The following NTF3 variants were observed in gnomAD, a reference collection of about 807,000 sequenced individuals.
The protein encoded by NTF3 is neurotrophin-3.
A neutral mutation model predicts 26.3 loss-of-function variants in NTF3; 8 were observed. The observed-to-expected ratio is 0.30, with a 90% CI of 0.18 to 0.55. The LOEUF is 0.55. Ranked by LOEUF, NTF3 falls within the 20% of genes least tolerant of loss-of-function variation. The probability of loss-of-function intolerance (pLI) is 0.93; values close to 1 mark genes in which losing one functional copy is unlikely to be tolerated. For missense variants in NTF3, 276 were observed against 352.9 expected, an observed-to-expected ratio of 0.78 and a Z score of 1.75; for synonymous variants, 154 against 145.5, an observed-to-expected ratio of 1.06 and a Z score of -0.42.
chr12:5,464,396 C>G (rs148003737), intron 1 of NTF3, among the ~76,000 whole-genome samples: 3 of 152,270 alleles, frequency 2.0e-5, no homozygotes, highest in African/African-American at 7.2e-5. Context: ...AATTTTTCAC[C>G]TTATAATGGT....
At chr12:5,457,133 T>A (rs1940462309) in intron 1 of NTF3, among the ~76,000 whole-genome samples, 1 of 152,214 alleles carries the variant, frequency 6.6e-6, no homozygotes, top group South Asian at 2.1e-4. Context: ...GAGCAGCAAC[T>A]GTATAAAGTC....
chr12:5,491,106 C>T (rs1940931007), intron 1 of NTF3, among the ~76,000 whole-genome samples: 1 of 152,206 alleles, frequency 6.6e-6, no homozygotes, highest in African/African-American at 2.4e-5. Context: ...CAAATGCCCC[C>T]GTCACTCTCT....
chr12:5,483,807 A>C (rs999440383), intron 1 of NTF3, among the ~76,000 whole-genome samples: 1 of 152,224 alleles, frequency 6.6e-6, no homozygotes, highest in Non-Finnish European at 1.5e-5. Context: ...GGAATGAAAA[A>C]GCCATCAGGT....
chr12:5,488,762 A>G (rs953263554), intron 1 of NTF3, among the ~76,000 whole-genome samples: 1 of 152,188 alleles, frequency 6.6e-6, no homozygotes, highest in Non-Finnish European at 1.5e-5. Context: ...AGCCTGTAGC[A>G]TTAGTCAGAG....
chr12:5,458,546 A>T (rs998347446), intron 1 of NTF3, among the ~76,000 whole-genome samples: 1 of 152,208 alleles, frequency 6.6e-6, no homozygotes, highest in Admixed American at 6.5e-5. Context: ...TGATGAATGA[A>T]TGAATAAGTG....
chr12:5,493,770 A>G (rs1940967487), intron 1 of NTF3, among the ~76,000 whole-genome samples: 1 of 152,172 alleles, frequency 6.6e-6, no homozygotes, highest in Non-Finnish European at 1.5e-5. Context: ...GACAATTACA[A>G]GGCCACCGCT....
intron 1 of NTF3, among the ~76,000 whole-genome samples, chr12:5,488,883 G>A (rs1940899925): frequency 6.6e-6 from 1 of 152,164 alleles, no homozygotes; most frequent in Non-Finnish European, 1.5e-5. Flanking sequence ...AGAGAATATG[G>A]CTACACCAGA....
upstream of NTF3, among the ~76,000 whole-genome samples, chr12:5,430,365 G>A (rs1940069694): frequency 6.6e-6 from 1 of 152,094 alleles, no homozygotes; most frequent in Non-Finnish European, 1.5e-5. Context: ...GTGGCTGGGT[G>A]GAGGGAACGA....
intron 1 of NTF3, among the ~76,000 whole-genome samples, chr12:5,462,791 T>C (rs1277900214): frequency 6.6e-6 from 1 of 152,216 alleles, no homozygotes; most frequent in East Asian, 1.9e-4. Flanking sequence ...TTAACACCCA[T>C]GTATTATGAC....
intron 1 of NTF3, among the ~76,000 whole-genome samples, chr12:5,438,707 C>T (rs921250000): frequency 6.6e-6 from 1 of 152,198 alleles, no homozygotes; most frequent in Non-Finnish European, 1.5e-5. Context: ...AGGTAGCTGC[C>T]TGACTTAGAA....
chr12:5,458,481 C>T (rs1002007203), intron 1 of NTF3, among the ~76,000 whole-genome samples: 4 of 152,202 alleles, frequency 2.6e-5, no homozygotes, highest in Non-Finnish European at 4.4e-5. Flanking sequence ...TTCCTAGTAG[C>T]ATTCCAAACC....
chr12:5,434,150 C>T (rs1940137060), intron 1 of NTF3, among the ~76,000 whole-genome samples: 1 of 152,204 alleles, frequency 6.6e-6, no homozygotes, highest in Non-Finnish European at 1.5e-5. Flanking sequence ...TTTGACATGT[C>T]ACACAAAGAA....
At chr12:5,453,572 T>A (rs924479274) in intron 1 of NTF3, among the ~76,000 whole-genome samples, 1 of 152,270 alleles carries the variant, frequency 6.6e-6, no homozygotes, top group Non-Finnish European at 1.5e-5. Flanking sequence ...AAAACTGTTC[T>A]CTCTTGCTTA....
At chr12:5,483,400 T>C (rs1285062828) in intron 1 of NTF3, among the ~76,000 whole-genome samples, 1 of 152,128 alleles carries the variant, frequency 6.6e-6, no homozygotes, top group Non-Finnish European at 1.5e-5. Flanking sequence ...CCCCGAGTAG[T>C]TGGTAAACAT....
chr12:5,478,852 G>A (rs11063702), intron 1 of NTF3, among the ~76,000 whole-genome samples: 39,992 of 152,132 alleles, frequency 0.26, 5,406 homozygotes, highest in South Asian at 0.34. Flanking sequence ...GTCCCCTACT[G>A]TATGTGCCCA....
intron 1 of NTF3, among the ~76,000 whole-genome samples, chr12:5,480,802 T>G: frequency 1.3e-5 from 2 of 148,860 alleles, no homozygotes; most frequent in Admixed American, 6.6e-5. Flanking sequence ...CTCCTAGAGT[T>G]TTTCAGGGGG....
In NTF3 at chr12:5,495,073, T is replaced by A; in HGVS notation, c.*85T>A. 1 of 1,366,142 alleles carries A rather than the reference T, an allele frequency of 7.3e-7. No individual in the cohort carries two copies. The highest frequency in any genetic ancestry group is 1.5e-5 in the African/African-American group (1 of 68,454). 84.6% of individuals were successfully genotyped at this position (1,366,142 alleles called of 1,614,324 possible). On this transcript the variant is annotated 3_prime_UTR_variant, in exon 2 of 2. Coordinates refer to ENST00000423158, the MANE Select transcript of NTF3 (RefSeq NM_001102654.2). ...TATAAATGTTTATATTGTTTTTATA[T>A]ATTATAAGTTGACCTTTATTTATTA...
intron 1 of NTF3, among the ~76,000 whole-genome samples, chr12:5,440,840 T>C (rs1007000948): frequency 7.9e-5 from 12 of 152,238 alleles, no homozygotes; most frequent in African/African-American, 1.4e-4. Flanking sequence ...CTGTGGCCCA[T>C]GCCTGGGATT....
chr12:5,476,893 GA>G (rs1940731236), intron 1 of NTF3, among the ~76,000 whole-genome samples: 1 of 152,120 alleles, frequency 6.6e-6, no homozygotes, highest in African/African-American at 2.4e-5. Flanking sequence ...AATGCATAGA[GA>G]TTTTTTTATT....
Sources: gnomAD v4.1 joint callset for allele counts (sites outside exome capture counted in the v4.1 genomes callset) on GRCh38, gnomAD v4.1.1 for gene constraint, MANE v1.5 for transcripts, NCBI Gene and HGNC (gene_info 2026-07-23, HGNC 2026-07-21) for gene names.